IGFBP1: variants seen among roughly 807,000 people sequenced by gnomAD.
IGFBP1 encodes the protein insulin like growth factor binding protein 1.
Under a neutral mutation model 23.1 loss-of-function variants are expected in IGFBP1, and 31 were observed. The observed-to-expected ratio is 1.34, with a 90% confidence interval of 1.01 to 1.81. The LOEUF (loss-of-function observed/expected upper bound fraction) is 1.81. IGFBP1 is among the 40% of genes most tolerant of loss of function. The pLI, the probability that IGFBP1 is intolerant of heterozygous loss-of-function variation, is 0.00. For missense variants in IGFBP1, 333 were observed against 342.2 expected (o/e 0.97, Z 0.21); for synonymous variants, 148 against 145.5 (o/e 1.02, Z -0.13).
In IGFBP1 at chr7:45,889,020, T is replaced by A. The variant is rs1787033654; in HGVS notation, c.349+19T>A. ...GCTGCAGGTACCACAGTCCCGCCCC[T>A]GCTCCAGCACCTCCTGCCGCCCGCC... On this transcript the variant is annotated intron_variant, in intron 1 of 3. Transcript: ENST00000275525. 6.7e-7 allele frequency: 1 copy of A among 1,488,220 alleles called. No homozygotes were observed. The highest frequency in any genetic ancestry group is 8.9e-7 in the Non-Finnish European group (1 of 1,123,404). 92.2% of individuals were successfully genotyped at this position (1,488,220 alleles called of 1,614,324 possible).
In IGFBP1 at chr7:45,888,549, G is replaced by A; in HGVS notation, c.-104G>A. ...GCCGCGCCGCCGCCACCCTCCCAGA[G>A]AGCACTGGCCACCGCTCCACCATCA... is the stretch of plus-strand genomic sequence containing the variant. On this transcript the variant is annotated 5_prime_UTR_variant, in exon 1 of 4. Transcript: ENST00000275525. The A allele has an allele frequency of 3.0e-6, 3 of 988,044 alleles. No homozygotes were observed. Among genetic ancestry groups the A allele is most frequent in the Non-Finnish European group, 4.5e-6 (3 of 662,890 alleles). The allele number at this position is 988,044 out of a possible 1,614,324, so 61.2% of individuals were successfully genotyped here. A position where few individuals can be genotyped will look rare whatever the true frequency, so the allele number is the denominator to read the frequency against.
intron 3 of IGFBP1, 62 bp from the exon 4 acceptor site, chr7:45,892,898 T>A (rs1224269102): frequency 6.4e-7 from 1 of 1,558,498 alleles, no homozygotes; most frequent in Non-Finnish European, 8.8e-7. Context: ...GGGCCAGCTA[T>A]GGCTCTACTT....
At chr7:45,892,474 T>C (rs1787093856) in intron 3 of IGFBP1, among the ~76,000 whole-genome samples, 1 of 152,220 alleles carries the variant, frequency 6.6e-6, no homozygotes, top group African/African-American at 2.4e-5. Context: ...CCTTGAACTG[T>C]CTAATAAAAC....
chr7:45,889,068 C>G lies in IGFBP1; in HGVS notation c.349+67C>G, dbSNP rs1419731470. The stretch of plus-strand genomic sequence containing the variant: ...GCCCCCGCCCGGCACCTCCCGCCCC[C>G]ACTCCCCTAACTACTGGGTGGGGCT... On this transcript the variant is annotated intron_variant, in intron 1 of 3. Coordinates refer to ENST00000275525, the MANE Select transcript of IGFBP1 (RefSeq NM_000596.4). The G allele has an allele frequency of 5.6e-6, 7 of 1,247,960 alleles. No homozygotes were observed. In the African/African-American group the frequency reaches 6.3e-5, roughly 11 times the overall value. 77.3% of individuals were successfully genotyped at this position (1,247,960 alleles called of 1,614,324 possible).
intron 1 of IGFBP1, among the ~76,000 whole-genome samples, chr7:45,890,246 C>T (rs1787057232): frequency 6.6e-6 from 1 of 152,164 alleles, no homozygotes; most frequent in Admixed American, 6.5e-5. Flanking sequence ...TTGTTCTCAA[C>T]CTCAGCAAAT....
In IGFBP1 at chr7:45,888,521, G is replaced by C; in HGVS notation, c.-132G>C. 1.4e-6 allele frequency: 1 copy of C among 730,264 alleles called. No homozygotes were observed. Among genetic ancestry groups the C allele is most frequent in the South Asian group, 1.7e-5 (1 of 57,242 alleles). The allele number at this position is 730,264 out of a possible 1,614,324, so 45.2% of individuals were successfully genotyped here. ...CCGCCATCCCATCCAGCGAGCATCT[G>C]CCGCCGCGCCGCCGCCACCCTCCCA... On this transcript the variant is annotated 5_prime_UTR_variant, in exon 1 of 4. Coordinates refer to ENST00000275525, the MANE Select transcript of IGFBP1 (RefSeq NM_000596.4).
At chr7:45,890,813 C>G in intron 2 of IGFBP1, 96 bp downstream of exon 2, 1 of 1,042,230 alleles carries the variant, frequency 9.6e-7, no homozygotes, top group Non-Finnish European at 1.4e-6. Context: ...CTTCCTGGTC[C>G]TGATGCCCTG....
Position 45,892,005 on chromosome 7 carries a change from T to C in IGFBP1, c.593T>C (p.Ile198Thr). The change falls in exon 3 of 4, where the codon ATT becomes ACT. Residue 198 changes from isoleucine (I) to threonine (T), a missense_variant. Coordinates refer to ENST00000275525, the MANE Select transcript of IGFBP1 (RefSeq NM_000596.4). Reference sequence around the variant, plus strand: ...GCACAGGAGACATCAGGAGAAGAAATTTCCAAATTTTACCTGCCAAACTGC... The same window carrying C: ...GCACAGGAGACATCAGGAGAAGAAACTTCCAAATTTTACCTGCCAAACTGC... ...AKAQETSGEE[I>T]SKFYLPNCNK... 6.2e-7 allele frequency: 1 copy of C among 1,614,078 alleles called. No individual in the cohort carries two copies. Among genetic ancestry groups the C allele is most frequent in the African/African-American group, 1.3e-5 (1 of 75,020 alleles).
At chr7:45,889,075 C>T in intron 1 of IGFBP1, 74 bp downstream of exon 1, 1 of 1,161,506 alleles carries the variant, frequency 8.6e-7, no homozygotes. Flanking sequence ...CCCCACTCCC[C>T]TAACTACTGG....
intron 1 of IGFBP1, among the ~76,000 whole-genome samples, chr7:45,890,163 T>A (rs1787056369): frequency 6.6e-6 from 1 of 152,190 alleles, no homozygotes; most frequent in African/African-American, 2.4e-5. Context: ...ATTTTAAGGA[T>A]GGAGAAGCTG....
intron 2 of IGFBP1, 127 bp downstream of exon 2, chr7:45,890,844 A>C (rs1480584292): frequency 3.6e-6 from 3 of 828,768 alleles, no homozygotes; most frequent in Non-Finnish European, 1.8e-6. Context: ...CTTTTCCCCC[A>C]AAACCTAGTG....
rs1294648621 is a variant in IGFBP1 at position 45,888,870 on chromosome 7, T to G, written c.218T>G (p.Val73Gly). The change falls in exon 1 of 4, where the codon GTG becomes GGG. Residue 73 changes from valine to glycine, a missense_variant. Coordinates refer to ENST00000275525, the MANE Select transcript of IGFBP1 (RefSeq NM_000596.4). ...CALPLGAACGVATARCARGLS... is the reference protein window; with the variant it reads ...CALPLGAACGGATARCARGLS... ...CTGCCTCTGGGCGCCGCGTGCGGCG[T>G]GGCGACTGCACGCTGCGCCCGGGGA... 2.6e-6 allele frequency: 4 copies of G among 1,510,572 alleles called. No individual in the cohort carries two copies. The South Asian group carries it at 5.0e-5, about 19-fold the overall frequency. 93.6% of individuals were successfully genotyped at this position (1,510,572 alleles called of 1,614,324 possible). A position where few individuals can be genotyped will look rare whatever the true frequency, so the allele number is the denominator to read the frequency against.
At chr7:45,890,435 TGGCCATCC>T in intron 1 of IGFBP1, 105 bp from the exon 2 acceptor site, 1 of 1,073,888 alleles carries the variant, frequency 9.3e-7, no homozygotes, top group Non-Finnish European at 1.3e-6. Flanking sequence ...TTAGGGAATG[TGGCCATCC>T]TCATGGCCCA....
In IGFBP1 at chr7:45,888,947, C is replaced by G. The variant is rs1301372580; in HGVS notation, c.295C>G (p.Arg99Gly). 2.0e-6 allele frequency: 3 copies of G among 1,523,228 alleles called. No homozygotes were observed. The highest frequency in any genetic ancestry group is 2.6e-5 in the East Asian group (1 of 38,342). The allele number at this position is 1,523,228 out of a possible 1,614,324, so 94.4% of individuals were successfully genotyped here. The change falls in exon 1 of 4, where the codon CGC becomes GGC. Residue 99 changes from arginine (R) to glycine (G), a missense_variant. Arg to Gly is a moderately radical substitution (Grantham distance 125, BLOSUM62 -2). Transcript: ENST00000275525. ...GCAGCAACCTCTGCACGCCCTCACC[C>G]GCGGCCAAGGCGCCTGCGTGCAGGA... Reference protein sequence around the residue: ...GEQQPLHALTRGQGACVQESD... With the variant: ...GEQQPLHALTGGQGACVQESD...
At position 45,893,196 on chromosome 7, in the gene IGFBP1, AGT is replaced by A; in HGVS notation, c.*106_*107del. The A allele has an allele frequency of 2.0e-6, 1 of 494,398 alleles. No homozygotes were observed. The allele number at this position is 494,398 out of a possible 1,614,324, so 30.6% of individuals were successfully genotyped here. A position where few individuals can be genotyped will look rare whatever the true frequency, so the allele number is the denominator to read the frequency against. On this transcript the variant is annotated 3_prime_UTR_variant, in exon 4 of 4. Transcript: ENST00000275525. ...TATATATGTATATGTATATATATAT[AGT>A]AACTACTTTTTATACTCCATACATA...
At chr7:45,889,142 G>A (rs1400241843) in intron 1 of IGFBP1, 141 bp downstream of exon 1, 15 of 647,920 alleles carry the variant, frequency 2.3e-5, no homozygotes, top group South Asian at 1.3e-4. Flanking sequence ...ACCAGAGCAC[G>A]TAGTTGGGGA....
intron 2 of IGFBP1, among the ~76,000 whole-genome samples, chr7:45,891,294 C>A (rs2116549071): frequency 6.6e-6 from 1 of 152,256 alleles, no homozygotes; most frequent in East Asian, 1.9e-4. Context: ...TTGAGGGCGA[C>A]AGAGAATCAA....
intron 3 of IGFBP1, among the ~76,000 whole-genome samples, 197 bp downstream of exon 3, chr7:45,892,257 A>G (rs1228345436): frequency 6.6e-6 from 1 of 152,186 alleles, no homozygotes; most frequent in African/African-American, 2.4e-5. Context: ...TCAATATGTC[A>G]CCACCAGAGG....
In IGFBP1 at chr7:45,888,916, G is replaced by A. The variant is rs370858998; in HGVS notation, c.264G>A (p.Pro88=). 33 of 1,503,674 alleles carry A rather than the reference G, an allele frequency of 2.2e-5. No homozygotes were observed. Among genetic ancestry groups the A allele is most frequent in the Admixed American group, 4.4e-5 (2 of 45,642 alleles). 93.1% of individuals were successfully genotyped at this position (1,503,674 alleles called of 1,614,324 possible). A position where few individuals can be genotyped will look rare whatever the true frequency, so the allele number is the denominator to read the frequency against. The change falls in exon 1 of 4, where the codon CCG becomes CCA. Residue 88 remains proline, a synonymous_variant. Transcript: ENST00000275525. ...GGGGACTCAGTTGCCGCGCGCTGCC[G>A]GGGGAGCAGCAACCTCTGCACGCCC... The part of the protein sequence containing the change: ...CARGLSCRAL[P]GEQQPLHALT...
Sources: gnomAD v4.1 joint callset for allele counts (sites outside exome capture counted in the v4.1 genomes callset) on GRCh38, gnomAD v4.1.1 for gene constraint, MANE v1.5 for transcripts, NCBI Gene and HGNC (gene_info 2026-07-23, HGNC 2026-07-21) for gene names.